The following KIF26B variants were observed in gnomAD, a reference collection of about 807,000 sequenced individuals.
The protein encoded by KIF26B is kinesin family member 26B.
KIF26B carries 63 observed loss-of-function variants against 151.2 expected under a neutral mutation model. The observed-to-expected ratio is 0.42, with a 90% CI of 0.34 to 0.51. The LOEUF is 0.51. Among genes scored for constraint, KIF26B ranks in the 20% least tolerant of loss-of-function variants. The probability of loss-of-function intolerance (pLI) is 0.07; values close to 1 mark genes in which losing one functional copy is unlikely to be tolerated. For missense variants in KIF26B, 2,813 were observed against 2,913.6 expected (o/e 0.97, Z 0.79); for synonymous variants, 1,357 against 1,262.1 (o/e 1.08, Z -1.59).
At chr1:245,416,112 C>CAAAAAAAAAAAAAAAAAAAA (rs375247191) in intron 3 of KIF26B, among the ~76,000 whole-genome samples, 1 of 124,878 alleles carries the variant, frequency 8.0e-6, no homozygotes, top group African/African-American at 3.0e-5. Flanking sequence ...AGTAAAAATA[C>CAAAAAAAAAAAAAAAAAAAA]AAAAAAAAAA....
intron 12 of KIF26B, among the ~76,000 whole-genome samples, chr1:245,689,777 C>G (rs557224449): frequency 1.3e-5 from 2 of 152,130 alleles, no homozygotes; most frequent in Non-Finnish European, 2.9e-5. Flanking sequence ...AGGCTGGTCT[C>G]GAACTCCTGA....
chr1:245,242,614 TGCATG>T (rs1670227855), intron 2 of KIF26B, among the ~76,000 whole-genome samples: 1 of 151,930 alleles, frequency 6.6e-6, no homozygotes, highest in Non-Finnish European at 1.5e-5. Flanking sequence ...TATTAGCAGC[TGCATG>T]GTGTTCCATT....
intron 5 of KIF26B, among the ~76,000 whole-genome samples, chr1:245,552,960 G>T (rs10802222): frequency 0.31 from 47,842 of 152,028 alleles, 8,190 homozygotes; most frequent in Non-Finnish European, 0.38. Context: ...GGAGGCAGGG[G>T]CTTGTTAGAT....
chr1:245,337,134 TTTTATTTATTTATTTA>T (rs59391704), intron 2 of KIF26B, among the ~76,000 whole-genome samples: 1,663 of 148,236 alleles, frequency 0.011, 19 homozygotes, highest in Middle Eastern at 0.024. Context: ...CATTTAGAAG[TTTTATTTATTTATTTA>T]TTTATTTATT....
chr1:245,408,296 T>C (rs1674185469), intron 3 of KIF26B, among the ~76,000 whole-genome samples: 1 of 152,118 alleles, frequency 6.6e-6, no homozygotes, highest in Non-Finnish European at 1.5e-5. Flanking sequence ...TTGTGCTCAG[T>C]TATTCAAATA....
intron 2 of KIF26B, among the ~76,000 whole-genome samples, chr1:245,169,336 T>TGTGTGTGTGTGG: frequency 7.2e-5 from 1 of 13,818 alleles, no homozygotes; most frequent in South Asian, 6.8e-3. Flanking sequence ...ATGGTGTGTG[T>TGTGTGTGTGTGG]GTGTGTGTGT....
rs530805018 is a variant in KIF26B, at chr1:245,517,354, C to CAA, written c.1167-23400_1167-23399dup. Among the ~76,000 whole-genome samples the CAA allele has an allele frequency of 3.4e-3, 364 of 107,344 alleles. 2 individuals carry two copies. The highest frequency in any genetic ancestry group is 0.012 in the African/African-American group (340 of 29,384). 70.4% of individuals were successfully genotyped at this position (107,344 alleles called of 152,430 possible). On this transcript the variant is annotated intron_variant, in intron 4 of 14. Coordinates refer to ENST00000407071, the MANE Select transcript of KIF26B (RefSeq NM_018012.4). ...TGGGTGAGAGAGTGAGACTCTGTCT[C>CAA]AAAAAAAAAAAAAAGGAAATGGGAG...
Position 245,686,795 on chromosome 1 carries a change from C to T in KIF26B, c.3812C>T (p.Ala1271Val), listed in dbSNP as rs765110643. 3 of 1,613,300 alleles carry T rather than the reference C, an allele frequency of 1.9e-6. No homozygotes were observed. In the Admixed American group the frequency reaches 5.0e-5, roughly 27 times the overall value. ...AGCCTGGATGAGAAGGCCCAGGACG[C>T]AGGGAGCAGACGCTCTTCCATCAGC... ...KMSLDEKAQD[A>V]GSRRSSISSW... Residue 1271 changes from alanine to valine, a missense_variant, in exon 12 of 15, where the codon GCA becomes GTA. Ala to Val is a moderately conservative substitution (Grantham distance 64, BLOSUM62 0). Around this residue, in one of 3 missense-constraint regions of KIF26B, gnomAD observed 2,060 missense variants for 2,088.6 expected, o/e 0.99. Transcript: ENST00000407071. This position sits in a 1 kb window ranked among gnomAD's most constrained non-coding sequence, Gnocchi z 5.6.
At chr1:245,319,728 T>C (rs1163968574) in intron 2 of KIF26B, among the ~76,000 whole-genome samples, 1 of 152,190 alleles carries the variant, frequency 6.6e-6, no homozygotes, top group Non-Finnish European at 1.5e-5. Context: ...TGAATAACTT[T>C]AGTACTGTGA....
chr1:245,430,592 G>A (rs892154580), intron 4 of KIF26B, among the ~76,000 whole-genome samples: 1 of 152,086 alleles, frequency 6.6e-6, no homozygotes, highest in Admixed American at 6.6e-5. Context: ...GCTTGAGCCC[G>A]GGAGGTTGAG....
intron 2 of KIF26B, among the ~76,000 whole-genome samples, chr1:245,185,809 A>G (rs1281514912): frequency 2.6e-5 from 4 of 152,192 alleles, no homozygotes; most frequent in South Asian, 2.1e-4. Context: ...GCTGGGTTCT[A>G]GTGATGCTGG....
chr1:245,540,444 G>A lies in KIF26B; in HGVS notation c.1167-323G>A, dbSNP rs1297671203. 1.5e-5 allele frequency: 8 copies of A among 546,000 alleles called. No individual in the cohort carries two copies. Among genetic ancestry groups the A allele is most frequent in the Non-Finnish European group, 2.8e-5 (8 of 289,970 alleles). The allele number at this position is 546,000 out of a possible 1,614,324, so 33.8% of individuals were successfully genotyped here. On this transcript the variant is annotated intron_variant, in intron 4 of 14. Transcript: ENST00000407071. This position sits in a 1 kb window ranked among gnomAD's most constrained non-coding sequence, Gnocchi z 4.6. ...AAGTTGTGGAGTGATGAACTTAATG[G>A]GTGCCCTTATCCCCAAAGATGCCCA...
intron 4 of KIF26B, among the ~76,000 whole-genome samples, chr1:245,483,515 G>A (rs1660212551): frequency 6.6e-6 from 1 of 151,874 alleles, no homozygotes; most frequent in African/African-American, 2.4e-5. Flanking sequence ...AGCTGGTGTT[G>A]GGGGAGCGGG....
chr1:245,526,215 C>T (rs1235579488), intron 4 of KIF26B, among the ~76,000 whole-genome samples: 1 of 152,144 alleles, frequency 6.6e-6, no homozygotes, highest in Non-Finnish European at 1.5e-5. Flanking sequence ...CTTTATTGCC[C>T]AGTGTAATTT....
chr1:245,588,456 G>A (rs368238724), intron 5 of KIF26B, among the ~76,000 whole-genome samples: 1 of 152,074 alleles, frequency 6.6e-6, no homozygotes, highest in Admixed American at 6.5e-5. Context: ...GTGGCGGAGC[G>A]TCTCATTAGC....
At chr1:245,520,969 A>T (rs1041885847) in intron 4 of KIF26B, among the ~76,000 whole-genome samples, 1 of 152,164 alleles carries the variant, frequency 6.6e-6, no homozygotes, top group South Asian at 2.1e-4. Context: ...TGGTGTGGAT[A>T]TGGAGGCAGA....
At chr1:245,494,273 T>C (rs570125244) in intron 4 of KIF26B, among the ~76,000 whole-genome samples, 4 of 151,900 alleles carry the variant, frequency 2.6e-5, no homozygotes, top group African/African-American at 9.7e-5. Context: ...GCCATTGCAC[T>C]CCACCCTGGG....
chr1:245,692,336 C>T (rs780451548), intron 12 of KIF26B, among the ~76,000 whole-genome samples: 62 of 152,068 alleles, frequency 4.1e-4, no homozygotes, highest in Non-Finnish European at 4.7e-4. Context: ...AGTGCATTCC[C>T]AGATGCTGAG....
At chr1:245,464,448 GGTGTGTAT>G (rs1446787725) in intron 4 of KIF26B, among the ~76,000 whole-genome samples, 1 of 144,770 alleles carries the variant, frequency 6.9e-6, no homozygotes, top group Non-Finnish European at 1.5e-5. Context: ...TGGGTGTGTG[GGTGTGTAT>G]GTGTGCGTGC....
Sources: gnomAD v4.1 joint callset for allele counts (sites outside exome capture counted in the v4.1 genomes callset) on GRCh38, gnomAD v4.1.1 for gene constraint, gnomAD v4.1.1 regional missense constraint, Gnocchi (gnomAD v3.1) non-coding constraint, MANE v1.5 for transcripts, NCBI Gene and HGNC (gene_info 2026-07-23, HGNC 2026-07-21) for gene names.